CCDC169: variants seen among roughly 807,000 people sequenced by gnomAD.
CCDC169 encodes the protein coiled-coil domain containing 169, also known as coiled-coil domain-containing protein 169.
A neutral mutation model predicts 36.0 loss-of-function variants in CCDC169; 30 were observed. That is an observed-to-expected ratio of 0.83 (90% CI 0.62 to 1.13). CCDC169 has a LOEUF of 1.13. Among genes scored for constraint, CCDC169 ranks in the 50% most tolerant of loss-of-function variants. The pLI is 0.00. For missense variants in CCDC169, 245 were observed against 245.9 expected (o/e 1.00, Z 0.03); for synonymous variants, 85 against 81.5 (o/e 1.04, Z -0.23).
chr13:36,284,392 T>C (rs1366554799), intron 2 of CCDC169, among the ~76,000 whole-genome samples: 3 of 141,714 alleles, frequency 2.1e-5, no homozygotes, highest in Non-Finnish European at 4.8e-5. Flanking sequence ...AAACCAAGGC[T>C]CAAAGATGTC....
chr13:36,268,995 C>T (rs1017838221), intron 4 of CCDC169, among the ~76,000 whole-genome samples: 1 of 152,022 alleles, frequency 6.6e-6, no homozygotes, highest in Non-Finnish European at 1.5e-5. Context: ...ATCCCAGCTA[C>T]TCGGGAGGCT....
intron 7 of CCDC169, among the ~76,000 whole-genome samples, chr13:36,242,395 G>T (rs1027215286): frequency 1.3e-5 from 2 of 152,092 alleles, no homozygotes; most frequent in Non-Finnish European, 2.9e-5. Flanking sequence ...ATTCTGTGAG[G>T]TGCCTAATAC....
At chr13:36,230,617 T>C (rs536722546), downstream of CCDC169, among the ~76,000 whole-genome samples, 28 of 152,190 alleles carry the variant, frequency 1.8e-4, no homozygotes, top group Non-Finnish European at 2.9e-4. Flanking sequence ...GCTTCAATCA[T>C]TTTACAGGTG....
rs75691004 is a variant in CCDC169 at position 36,255,433 on chromosome 13, G to A, written c.316-1290C>T. ...AATCCCAGCACTTTGAGAGGCCGAG[G>A]CGGGTAGATCACTTGAGCTAAGGAG... On this transcript the variant is annotated intron_variant, in intron 4 of 7. Transcript: ENST00000239859. Among the ~76,000 whole-genome samples, 994 of 152,272 alleles carry A rather than the reference G, an allele frequency of 6.5e-3. 18 individuals are homozygous for A. In the East Asian group the frequency reaches 0.066, roughly 10 times the overall value.
intron 4 of CCDC169, among the ~76,000 whole-genome samples, chr13:36,258,610 A>G (rs1050981657): frequency 3.3e-5 from 5 of 152,180 alleles, no homozygotes; most frequent in African/African-American, 1.2e-4. Flanking sequence ...CCATGGCAAC[A>G]TCAGGAATTT....
intron 4 of CCDC169, among the ~76,000 whole-genome samples, chr13:36,273,747 T>C (rs1876409530): frequency 6.6e-6 from 1 of 152,240 alleles, no homozygotes; most frequent in Non-Finnish European, 1.5e-5. Flanking sequence ...TTTTGTAATG[T>C]ACTAATTTCT....
intron 1 of CCDC169, 55 bp downstream of exon 1, chr13:36,297,582 G>A: frequency 5.3e-6 from 8 of 1,514,826 alleles, no homozygotes; most frequent in Non-Finnish European, 7.1e-6. Flanking sequence ...GACTCTGCAG[G>A]TGAAGGCTCG....
At chr13:36,273,243 C>G (rs1275100430) in intron 4 of CCDC169, among the ~76,000 whole-genome samples, 1 of 152,158 alleles carries the variant, frequency 6.6e-6, no homozygotes, top group Non-Finnish European at 1.5e-5. Context: ...ATTTTCTTCA[C>G]AATTCAAACT....
chr13:36,253,998 A>C (rs1314988033), intron 5 of CCDC169, 47 bp downstream of exon 5: 1 of 1,531,882 alleles, frequency 6.5e-7, no homozygotes, highest in South Asian at 1.2e-5. Context: ...AACATTAGAA[A>C]TAATGGCAGT....
chr13:36,237,965 G>A (rs1451552549), intron 7 of CCDC169, among the ~76,000 whole-genome samples: 1 of 152,232 alleles, frequency 6.6e-6, no homozygotes, highest in South Asian at 2.1e-4. Flanking sequence ...GTTTTTGTAA[G>A]CGCACTCTGA....
intron 4 of CCDC169, among the ~76,000 whole-genome samples, chr13:36,265,963 G>A (rs549424232): frequency 6.6e-5 from 10 of 152,232 alleles, no homozygotes; most frequent in South Asian, 2.1e-4. Flanking sequence ...AGTTATTTCC[G>A]TTTCCTCAGT....
downstream of CCDC169, chr13:36,227,184 G>GTC (rs947400037): frequency 1.4e-6 from 2 of 1,467,110 alleles, no homozygotes; most frequent in African/African-American, 2.8e-5. Flanking sequence ...TGGTGCACAT[G>GTC]TCTGAGTATT....
intron 4 of CCDC169, 137 bp from the exon 5 acceptor site, chr13:36,254,280 T>TA (rs1873557141): frequency 1.8e-6 from 1 of 554,294 alleles, no homozygotes; most frequent in Non-Finnish European, 2.9e-6. Context: ...ATGTACTTTT[T>TA]TTTTTTTTTT....
intron 7 of CCDC169, among the ~76,000 whole-genome samples, chr13:36,240,145 C>T (rs944734514): frequency 1.3e-5 from 2 of 151,958 alleles, no homozygotes; most frequent in African/African-American, 4.8e-5. Flanking sequence ...TACCACCTTG[C>T]TTCTCACTAT....
intron 4 of CCDC169, among the ~76,000 whole-genome samples, chr13:36,263,449 T>C (rs1874853834): frequency 6.6e-6 from 1 of 152,184 alleles, no homozygotes. Context: ...TGCAAAATAT[T>C]TTAGAGCTCA....
intron 4 of CCDC169, among the ~76,000 whole-genome samples, chr13:36,260,627 T>C (rs1268673862): frequency 6.6e-6 from 1 of 152,190 alleles, no homozygotes; most frequent in Admixed American, 6.5e-5. Flanking sequence ...TCCAGCTACT[T>C]GTGATGAGGA....
chr13:36,256,451 C>T lies in CCDC169; in HGVS notation c.316-2308G>A, dbSNP rs9546927. On this transcript the variant is annotated intron_variant, in intron 4 of 7. Coordinates refer to ENST00000239859, the MANE Select transcript of CCDC169 (RefSeq NM_001144981.3). ...GGTGAAATGCCAGACACTTATAAAG[C>T]CATCAGATCTTGTGAGAACTCACTA... Among the ~76,000 whole-genome samples the T allele has an allele frequency of 4.8e-3, 726 of 152,220 alleles. 1 individual carries two copies. Among genetic ancestry groups the T allele is most frequent in the Non-Finnish European group, 6.9e-3 (471 of 68,022 alleles).
intron 4 of CCDC169, among the ~76,000 whole-genome samples, chr13:36,275,487 A>G (rs541221158): frequency 1.3e-5 from 2 of 152,190 alleles, no homozygotes; most frequent in Non-Finnish European, 2.9e-5. Context: ...TGGAGAGAAC[A>G]CAAACCCAGT....
At chr13:36,254,763 T>C (rs569797113) in intron 4 of CCDC169, among the ~76,000 whole-genome samples, 3 of 152,314 alleles carry the variant, frequency 2.0e-5, no homozygotes, top group South Asian at 2.1e-4. Flanking sequence ...GACTAATGAA[T>C]AGTAGCTAAA....
Sources: allele counts gnomAD v4.1 joint callset (sites outside exome capture counted in the v4.1 genomes callset), GRCh38; gene constraint gnomAD v4.1.1; transcripts MANE v1.5; gene names NCBI Gene and HGNC (gene_info 2026-07-23, HGNC 2026-07-21).